The following DCHS2 variants were observed in gnomAD, a reference collection of about 807,000 sequenced individuals.
DCHS2 encodes the protein dachsous cadherin-related 2.
A neutral mutation model predicts 182.4 loss-of-function variants in DCHS2; 142 were observed. The observed-to-expected ratio is 0.78, with a 90% CI of 0.68 to 0.89. The LOEUF is 0.89. Among genes scored for constraint, DCHS2 ranks in the 40% least tolerant of loss-of-function variants. The probability of loss-of-function intolerance (pLI) is 0.00; values close to 1 mark genes in which losing one functional copy is unlikely to be tolerated. For synonymous variants in DCHS2, 1,740 were observed against 1,663.3 expected (o/e 1.05, Z -1.12); for missense variants, 4,319 against 4,198.6 (o/e 1.03, Z -0.79).
intron 1 of DCHS2, among the ~76,000 whole-genome samples, chr4:154,389,536 A>ATATATATATATATAT (rs1485000004): frequency 2.8e-4 from 41 of 144,512 alleles, no homozygotes; most frequent in East Asian, 5.9e-4. Flanking sequence ...ATATATATAT[A>ATATATATATATATAT]ACCTTTTTTT....
chr4:154,464,739 G>A (rs554085187), intron 1 of DCHS2, among the ~76,000 whole-genome samples: 1 of 152,146 alleles, frequency 6.6e-6, no homozygotes, highest in South Asian at 2.1e-4. Flanking sequence ...AACAGGATTT[G>A]CAATATCCTC....
In DCHS2 at chr4:154,259,414, G is replaced by A; in HGVS notation, c.6789+131C>T. On this transcript the variant is annotated intron_variant, in intron 15 of 19. Transcript: ENST00000357232. The stretch of plus-strand genomic sequence containing the variant: ...CCCATCTATAAAATGTACATGGCCT[G>A]GAAAGAGTGTTGTACTACAGGGATT... 2.1e-6 allele frequency: 3 copies of A among 1,436,790 alleles called. No homozygotes were observed. The African/African-American group carries it at 4.3e-5, about 20-fold the overall frequency. 89.0% of individuals were successfully genotyped at this position (1,436,790 alleles called of 1,614,324 possible).
In DCHS2 at chr4:154,415,666, G is replaced by T. The variant is rs116693877; in HGVS notation, c.2053-38222C>A. Among the ~76,000 whole-genome samples the T allele has an allele frequency of 3.3e-3, 498 of 152,256 alleles. 6 individuals are homozygous for T. The highest frequency in any genetic ancestry group is 0.012 in the African/African-American group (486 of 41,544). ...TGGGTACTGGAGACCTAAAGCTACG[G>T]TATCTCCAGGTCCCGAGCGTCAGTA... On this transcript the variant is annotated intron_variant, in intron 1 of 19. Transcript: ENST00000357232.
intron 1 of DCHS2, among the ~76,000 whole-genome samples, chr4:154,471,512 A>G (rs967847774): frequency 7.9e-5 from 12 of 152,154 alleles, no homozygotes; most frequent in African/African-American, 2.9e-4. Context: ...GGTTTATTGT[A>G]GTACCTTAAC....
chr4:154,305,029 A>G, intron 11 of DCHS2, 68 bp downstream of exon 11: 2 of 1,508,662 alleles, frequency 1.3e-6, no homozygotes, highest in Non-Finnish European at 1.8e-6. Context: ...ACATTTCACC[A>G]CTTAACAGGT....
chr4:154,255,030 A>G (rs1348159275), intron 16 of DCHS2, among the ~76,000 whole-genome samples: 1 of 152,206 alleles, frequency 6.6e-6, no homozygotes, highest in Non-Finnish European at 1.5e-5. Flanking sequence ...TTAATGTTAA[A>G]TGTATGCGTT....
At chr4:154,240,432 T>C in intron 18 of DCHS2, 105 bp downstream of exon 18, 1 of 1,381,096 alleles carries the variant, frequency 7.2e-7, no homozygotes, top group Non-Finnish European at 9.8e-7. Flanking sequence ...CTACAAACAG[T>C]GAATGCTGTC....
chr4:154,282,552 G>A (rs1734196932), intron 13 of DCHS2, among the ~76,000 whole-genome samples: 1 of 151,716 alleles, frequency 6.6e-6, no homozygotes, highest in Non-Finnish European at 1.5e-5. Flanking sequence ...TCGAGAAATT[G>A]GAACCTTTGT....
At chr4:154,419,675 G>C in intron 1 of DCHS2, among the ~76,000 whole-genome samples, 1 of 105,058 alleles carries the variant, frequency 9.5e-6, no homozygotes, top group Non-Finnish European at 2.0e-5. Flanking sequence ...AAAAAAAAAA[G>C]CTGGATGCCA....
intron 1 of DCHS2, among the ~76,000 whole-genome samples, chr4:154,404,308 T>C (rs548901169): frequency 1.3e-5 from 2 of 152,336 alleles, no homozygotes; most frequent in East Asian, 3.9e-4. Flanking sequence ...GATTTTCAAA[T>C]ACTTGGGATG....
At chr4:154,425,629 A>G (rs953524305) in intron 1 of DCHS2, among the ~76,000 whole-genome samples, 5 of 152,216 alleles carry the variant, frequency 3.3e-5, no homozygotes, top group African/African-American at 9.6e-5. Context: ...TACATTATAT[A>G]ATAGAAAGTG....
At chr4:154,323,079 T>G in intron 7 of DCHS2, 1 of 1,028,502 alleles carries the variant, frequency 9.7e-7, no homozygotes, top group Non-Finnish European at 1.4e-6. Context: ...CATCTCTCTA[T>G]TTGTCCTTGC....
At position 154,262,693 on chromosome 4, in the gene DCHS2, C is replaced by T. The variant is rs139121592; in HGVS notation, c.6578-2937G>A. On this transcript the variant is annotated intron_variant, in intron 14 of 19. Transcript: ENST00000357232. ...TCAGGTTACTTCCATCAATTATATA[C>T]TGTGTACATGCATTTGTACAAACCA... is the stretch of plus-strand genomic sequence containing the variant. Among the ~76,000 whole-genome samples, 1,102 of 152,272 alleles carry T rather than the reference C, an allele frequency of 7.2e-3. 15 individuals carry two copies. Among genetic ancestry groups the T allele is most frequent in the African/African-American group, 0.025 (1,049 of 41,556 alleles).
intron 16 of DCHS2, among the ~76,000 whole-genome samples, chr4:154,250,732 G>C (rs1323913683): frequency 6.6e-6 from 1 of 152,110 alleles, no homozygotes; most frequent in Non-Finnish European, 1.5e-5. Context: ...ACTTTTCATT[G>C]CTGCAGTCTA....
chr4:154,386,778 T>A (rs1379149554), intron 1 of DCHS2, among the ~76,000 whole-genome samples: 1 of 152,198 alleles, frequency 6.6e-6, no homozygotes, highest in Non-Finnish European at 1.5e-5. Flanking sequence ...AGAAATAAAC[T>A]TTATGACTAT....
intron 3 of DCHS2, among the ~76,000 whole-genome samples, chr4:154,354,116 G>A (rs1394933404): frequency 6.6e-6 from 1 of 152,080 alleles, no homozygotes; most frequent in Non-Finnish European, 1.5e-5. Flanking sequence ...AGTGGAGATA[G>A]AGTTTCACCA....
chr4:154,300,961 G>A (rs955639193), intron 12 of DCHS2, among the ~76,000 whole-genome samples: 1 of 152,128 alleles, frequency 6.6e-6, no homozygotes, highest in Non-Finnish European at 1.5e-5. Flanking sequence ...AGTTTTCTAA[G>A]GAATTCACTT....
Position 154,455,288 on chromosome 4 carries a change from A to G in DCHS2, c.2052+34016T>C, listed in dbSNP as rs557963521. ...TTAGAAAGAGCCAGGCCAGCTCAAG[A>G]GAACGACTGGATCTGGGCCATTTTA... On this transcript the variant is annotated intron_variant, in intron 1 of 19. Transcript: ENST00000357232. Among the ~76,000 whole-genome samples the G allele has an allele frequency of 5.9e-5, 9 of 152,350 alleles. No individual in the cohort carries two copies. The South Asian group carries it at 1.9e-3, about 32-fold the overall frequency.
chr4:154,258,182 T>C (rs971605425), intron 15 of DCHS2, among the ~76,000 whole-genome samples: 1 of 152,126 alleles, frequency 6.6e-6, no homozygotes, highest in Non-Finnish European at 1.5e-5. Context: ...GGCTGGTGAC[T>C]AGAGCAATCA....
Sources: gnomAD v4.1 joint callset for allele counts (sites outside exome capture counted in the v4.1 genomes callset) on GRCh38, gnomAD v4.1.1 for gene constraint, MANE v1.5 for transcripts, NCBI Gene and HGNC (gene_info 2026-07-23, HGNC 2026-07-21) for gene names.